LOXHD1: variants seen among roughly 807,000 people sequenced by gnomAD.
The protein encoded by LOXHD1 is lipoxygenase homology domain-containing protein 1.
In LOXHD1, 205 loss-of-function variants were observed where a neutral mutation model predicts 248.2. The ratio of observed to expected loss-of-function variants is 0.83; its 90% CI spans 0.74 to 0.93. The LOEUF (loss-of-function observed/expected upper bound fraction) is 0.93. Ranked by LOEUF, LOXHD1 falls within the 40% of genes least tolerant of loss-of-function variation. The pLI is 0.00. For synonymous variants in LOXHD1, 1,113 were observed against 1,162.8 expected (o/e 0.96, Z 0.87); for missense variants, 2,930 against 2,971.6 (o/e 0.99, Z 0.33).
chr18:46,572,258 G>T, intron 14 of LOXHD1, 96 bp from the exon 15 acceptor site: 4 of 1,091,392 alleles, frequency 3.7e-6, no homozygotes, highest in Non-Finnish European at 5.5e-6. Flanking sequence ...GAGGCCCAGA[G>T]CTTTGACTTT....
chr18:46,649,701 G>C (rs897708032), intron 1 of LOXHD1, among the ~76,000 whole-genome samples: 2 of 152,058 alleles, frequency 1.3e-5, no homozygotes, highest in African/African-American at 4.8e-5. Context: ...TGACCTCCTG[G>C]GCACTGACAT....
chr18:46,584,415 G>A (rs1282171452), intron 12 of LOXHD1, among the ~76,000 whole-genome samples: 1 of 152,084 alleles, frequency 6.6e-6, no homozygotes, highest in Non-Finnish European at 1.5e-5. Context: ...AATGATAAAT[G>A]CATGAGGTGA....
At chr18:46,621,863 T>C (rs2038673785) in intron 4 of LOXHD1, among the ~76,000 whole-genome samples, 1 of 152,186 alleles carries the variant, frequency 6.6e-6, no homozygotes, top group African/African-American at 2.4e-5. Context: ...ACATGGTGGA[T>C]TCACCTTCCA....
intron 22 of LOXHD1, 121 bp from the exon 23 acceptor site, chr18:46,545,542 C>T (rs994218351): frequency 5.7e-6 from 4 of 696,920 alleles, no homozygotes; most frequent in African/African-American, 1.8e-5. Context: ...CCCATCACTC[C>T]AATTTTTCTC....
At chr18:46,613,707 T>C (rs1461208157) in intron 5 of LOXHD1, among the ~76,000 whole-genome samples, 1 of 152,176 alleles carries the variant, frequency 6.6e-6, no homozygotes, top group African/African-American at 2.4e-5. Flanking sequence ...GATAGCCTTA[T>C]ATTTTTCAAA....
Position 46,649,158 on chromosome 18 carries a change from C to T in LOXHD1, c.242G>A (p.Ser81Asn), listed in dbSNP as rs2039074525. ...CCAAGGCCAAGTGGGTACTCACTTG[C>T]TGGTGAGCTGGAGCTTGGGAGAGAG... Reference protein sequence around the residue: ...NGLSPKLQLTSKSKSAFEKGN... With the variant: ...NGLSPKLQLTNKSKSAFEKGN... The change falls in exon 2 of 41, where the codon AGC (serine) becomes AAC (asparagine). Residue 81 changes from serine (S) to asparagine (N), a missense_variant. Coordinates refer to ENST00000642948, the MANE Select transcript of LOXHD1 (RefSeq NM_001384474.1). 3 of 1,551,466 alleles carry T rather than the reference C, an allele frequency of 1.9e-6. No homozygotes were observed. The highest frequency in any genetic ancestry group is 2.7e-5 in the African/African-American group (2 of 73,040).
At chr18:46,592,924 A>G (rs192257531) in intron 10 of LOXHD1, among the ~76,000 whole-genome samples, 2 of 152,320 alleles carry the variant, frequency 1.3e-5, no homozygotes, top group African/African-American at 4.8e-5. Context: ...AAATTAGCAC[A>G]GGCCCACAGC....
At chr18:46,515,885 G>T (rs1423269186) in intron 34 of LOXHD1, among the ~76,000 whole-genome samples, 2 of 152,186 alleles carry the variant, frequency 1.3e-5, no homozygotes, top group East Asian at 1.9e-4. Context: ...TTTTGTCCCT[G>T]CTCCCAACTC....
chr18:46,633,723 GA>G, intron 4 of LOXHD1, among the ~76,000 whole-genome samples: 1 of 152,264 alleles, frequency 6.6e-6, no homozygotes, highest in Non-Finnish European at 1.5e-5. Context: ...TCATATATCT[GA>G]AAAGGGGTTA....
At chr18:46,546,708 T>C (rs1426256536) in intron 22 of LOXHD1, among the ~76,000 whole-genome samples, 187 bp downstream of exon 22, 2 of 152,102 alleles carry the variant, frequency 1.3e-5, no homozygotes, top group Non-Finnish European at 2.9e-5. Context: ...TTACACTAGA[T>C]ATGTGAGACT....
At chr18:46,503,747 C>T (rs1228615262) in intron 37 of LOXHD1, among the ~76,000 whole-genome samples, 1 of 152,196 alleles carries the variant, frequency 6.6e-6, no homozygotes, top group Non-Finnish European at 1.5e-5. Context: ...GAAGAGTTCC[C>T]TTCCACTGCA....
At chr18:46,624,238 A>G (rs1298030323) in intron 4 of LOXHD1, among the ~76,000 whole-genome samples, 3 of 152,224 alleles carry the variant, frequency 2.0e-5, no homozygotes, top group African/African-American at 7.2e-5. Context: ...ACTTCCGCTC[A>G]CTGAGAGCCA....
rs761708527 is a variant in LOXHD1, at chr18:46,610,728, G to A, written c.759+48C>T. ...ATACAACCCTCTGAAGAACAAGAAG[G>A]CCCCCCTTCCAAGGCCACAGGGACT... On this transcript the variant is annotated intron_variant, in intron 6 of 40. Transcript: ENST00000642948. 2.3e-5 allele frequency: 35 copies of A among 1,501,956 alleles called. No individual in the cohort carries two copies. The African/African-American group carries it at 3.5e-4, about 15-fold the overall frequency. 93.0% of individuals were successfully genotyped at this position (1,501,956 alleles called of 1,614,324 possible).
intron 33 of LOXHD1, chr18:46,518,793 G>C: frequency 3.6e-6 from 3 of 838,724 alleles, no homozygotes; most frequent in Non-Finnish European, 4.3e-6. Flanking sequence ...AGCAGCCAAA[G>C]CTCTGGGTGT....
At chr18:46,491,952 A>T (rs1010617567) in intron 37 of LOXHD1, among the ~76,000 whole-genome samples, 2 of 152,172 alleles carry the variant, frequency 1.3e-5, no homozygotes, top group Non-Finnish European at 1.5e-5. Context: ...GTCTGACCCC[A>T]TCCACAATTT....
intron 3 of LOXHD1, among the ~76,000 whole-genome samples, 192 bp from the exon 4 acceptor site, chr18:46,639,992 G>A (rs1379776526): frequency 2.7e-4 from 41 of 152,158 alleles, no homozygotes; most frequent in Admixed American, 2.7e-3. Flanking sequence ...GCACATTACT[G>A]AATGTTACAC....
chr18:46,488,802 G>A (rs2033253268), intron 38 of LOXHD1, among the ~76,000 whole-genome samples, 170 bp downstream of exon 38: 1 of 152,138 alleles, frequency 6.6e-6, no homozygotes, highest in South Asian at 2.1e-4. Flanking sequence ...TGGCATCAGT[G>A]TTTCTTAGCA....
At position 46,657,169 on chromosome 18, in the gene LOXHD1, C is replaced by T; in HGVS notation, c.-136G>A. ...CTCAGGCCTGGGTGGGCCAGAGTGC[C>T]CCGTTTTCTTGGCTTCCCCGTGCCC... On this transcript the variant is annotated 5_prime_UTR_variant, in exon 1 of 41. Coordinates refer to ENST00000642948, the MANE Select transcript of LOXHD1 (RefSeq NM_001384474.1). 2 of 1,427,714 alleles carry T rather than the reference C, an allele frequency of 1.4e-6. No individual in the cohort carries two copies. The highest frequency in any genetic ancestry group is 1.9e-6 in the Non-Finnish European group (2 of 1,065,794). The allele number at this position is 1,427,714 out of a possible 1,614,324, so 88.4% of individuals were successfully genotyped here.
intron 37 of LOXHD1, among the ~76,000 whole-genome samples, chr18:46,504,735 G>A (rs75083763): frequency 5.3e-5 from 8 of 152,310 alleles, no homozygotes; most frequent in Admixed American, 2.6e-4. Flanking sequence ...CTAGTCCTCC[G>A]CAGGGGTTTG....
Sources: gnomAD v4.1 joint callset for allele counts (sites outside exome capture counted in the v4.1 genomes callset) on GRCh38, gnomAD v4.1.1 for gene constraint, MANE v1.5 for transcripts, NCBI Gene and HGNC (gene_info 2026-07-23, HGNC 2026-07-21) for gene names.